The following ARHGAP40 variants were observed in gnomAD, a reference collection of about 807,000 sequenced individuals.
ARHGAP40 encodes the protein Rho GTPase activating protein 40, also known as rho GTPase-activating protein 40.
Under a neutral mutation model 73.5 loss-of-function variants are expected in ARHGAP40, and 43 were observed. That is an observed-to-expected ratio of 0.58 (90% CI 0.46 to 0.75). ARHGAP40 has a LOEUF of 0.75. Ranked by LOEUF, ARHGAP40 falls within the 30% of genes least tolerant of loss-of-function variation. The probability of loss-of-function intolerance (pLI) is 0.00; values close to 1 mark genes in which losing one functional copy is unlikely to be tolerated. For missense variants in ARHGAP40, 734 were observed against 861.8 expected, an observed-to-expected ratio of 0.85 and a Z score of 1.86; for synonymous variants, 300 against 352.8, an observed-to-expected ratio of 0.85 and a Z score of 1.68.
At chr20:38,636,955 A>C (rs2088978889) in intron 6 of ARHGAP40, among the ~76,000 whole-genome samples, 3 of 152,106 alleles carry the variant, frequency 2.0e-5, no homozygotes, top group Admixed American at 2.0e-4. Context: ...AGAAAGAAGG[A>C]AGGTGTGGAG....
rs1220218892 is a variant in ARHGAP40 at position 38,636,162 on chromosome 20, T to A, written c.949+1377T>A. Among the ~76,000 whole-genome samples the A allele has an allele frequency of 2.0e-5, 3 of 152,180 alleles. No homozygotes were observed. In the East Asian group the frequency reaches 5.8e-4, roughly 29 times the overall value. ...TAATGGGAAGATTTGCAAATTCACA[T>A]GGCAGAGGGTGTGGATACAAAGAGG... is the stretch of plus-strand genomic sequence containing the variant. On this transcript the variant is annotated intron_variant, in intron 6 of 14. Coordinates refer to ENST00000373345, the Ensembl canonical transcript of ARHGAP40.
At chr20:38,613,433 T>C (rs1296189533) in intron 1 of ARHGAP40, among the ~76,000 whole-genome samples, 2 of 152,198 alleles carry the variant, frequency 1.3e-5, no homozygotes, top group Admixed American at 1.3e-4. Context: ...TTTCCAACCC[T>C]GGTTGCACAA....
At chr20:38,634,571 T>A (rs1410969454) in intron 5 of ARHGAP40, 49 bp from the exon 6 acceptor site, 2 of 1,300,456 alleles carry the variant, frequency 1.5e-6, no homozygotes, top group Non-Finnish European at 2.0e-6. Flanking sequence ...AAAATACACA[T>A]CAGACTCATA....
At chr20:38,627,673 GGT>G (rs891154860) in intron 3 of ARHGAP40, among the ~76,000 whole-genome samples, 5 of 148,734 alleles carry the variant, frequency 3.4e-5, no homozygotes, top group African/African-American at 5.0e-5. Context: ...GGGGTGTGTT[GGT>G]GTGTGTGTTG....
At chr20:38,648,056 T>C (rs1044670255) in intron 13 of ARHGAP40, among the ~76,000 whole-genome samples, 10 of 152,196 alleles carry the variant, frequency 6.6e-5, no homozygotes, top group African/African-American at 2.4e-4. Context: ...CTTGTTGGCA[T>C]TGGCACAAGG....
intron 1 of ARHGAP40, among the ~76,000 whole-genome samples, chr20:38,615,766 G>C (rs1205891119): frequency 6.6e-6 from 1 of 152,192 alleles, no homozygotes; most frequent in East Asian, 1.9e-4. Context: ...TGGCAGAGCT[G>C]CTGGGGTTGT....
exon 6 of ARHGAP40, chr20:38,634,712 A>G: frequency 7.7e-7 from 1 of 1,305,306 alleles, no homozygotes; most frequent in Non-Finnish European, 1.0e-6. Flanking sequence ...TGGCCCTCAT[A>G]GAGCTGACCG....
At chr20:38,638,641 C>T (rs914124813) in intron 7 of ARHGAP40, 120 bp from the exon 8 acceptor site, 13 of 638,854 alleles carry the variant, frequency 2.0e-5, no homozygotes, top group African/African-American at 1.5e-4. Flanking sequence ...AATATTATTC[C>T]GAAGGAAACC....
Position 38,617,409 on chromosome 20 carries a change from G to A in ARHGAP40, c.138-5950G>A, listed in dbSNP as rs547316949. On this transcript the variant is annotated intron_variant, in intron 1 of 14. Coordinates refer to ENST00000373345, the Ensembl canonical transcript of ARHGAP40. ...CTATGACCTCACGGGCAAGGGTCTC[G>A]CTAAGATCACCTTGCAAAGCCCCCT... Among the ~76,000 whole-genome samples the A allele has an allele frequency of 4.9e-4, 74 of 152,240 alleles. No individual in the cohort carries two copies. In the South Asian group the frequency reaches 5.6e-3, roughly 12 times the overall value.
rs369838508 is a variant in ARHGAP40 at position 38,612,675 on chromosome 20, G to GAAAGA, written c.137+10612_137+10616dup. On this transcript the variant is annotated intron_variant, in intron 1 of 14. Coordinates refer to ENST00000373345, the Ensembl canonical transcript of ARHGAP40. ...AAAGAGTGGGATTCTGTCTGAAAAT[G>GAAAGA]AAAGAAAAGAAAAGAAAAGAGATAA... is the stretch of plus-strand genomic sequence containing the variant. 5.3e-5 allele frequency among the ~76,000 whole-genome samples: 8 copies of GAAAGA among 151,280 alleles called. No individual in the cohort carries two copies. The East Asian group carries it at 7.8e-4, about 15-fold the overall frequency.
At chr20:38,622,125 G>C (rs1284793607) in intron 1 of ARHGAP40, among the ~76,000 whole-genome samples, 1 of 151,764 alleles carries the variant, frequency 6.6e-6, no homozygotes, top group Admixed American at 6.6e-5. Context: ...TTTTTAAAAA[G>C]GCAGCATGTG....
At chr20:38,647,205 G>T in intron 13 of ARHGAP40, 79 bp downstream of exon 13, 1 of 1,201,198 alleles carries the variant, frequency 8.3e-7, no homozygotes, top group Non-Finnish European at 1.1e-6. Context: ...GCCACCAGGG[G>T]GTTACACATA....
At chr20:38,644,392 A>G (rs981394024) in intron 11 of ARHGAP40, among the ~76,000 whole-genome samples, 14 of 152,072 alleles carry the variant, frequency 9.2e-5, no homozygotes, top group Non-Finnish European at 1.9e-4. Context: ...GTCAGCATGC[A>G]TGGTGCCCCT....
chr20:38,610,363 C>T (rs547455333), intron 1 of ARHGAP40, among the ~76,000 whole-genome samples: 153 of 152,238 alleles, frequency 1.0e-3, no homozygotes, highest in Non-Finnish European at 1.7e-3. Flanking sequence ...TGTAACATCT[C>T]AGGGCATGGT....
At chr20:38,629,591 C>T (rs1212606062) in exon 5 of ARHGAP40, 1 of 1,305,414 alleles carries the variant, frequency 7.7e-7, no homozygotes, top group Non-Finnish European at 1.0e-6. Flanking sequence ...TGCGGTGCTC[C>T]TGCAGAGGAG....
At chr20:38,639,634 G>A (rs1372434143) in intron 9 of ARHGAP40, among the ~76,000 whole-genome samples, 1 of 152,230 alleles carries the variant, frequency 6.6e-6, no homozygotes, top group Non-Finnish European at 1.5e-5. Context: ...GGAGGCTAAG[G>A]TTTTGCACAC....
chr20:38,637,291 A>T (rs1245344559), intron 6 of ARHGAP40, among the ~76,000 whole-genome samples: 2 of 151,762 alleles, frequency 1.3e-5, no homozygotes, highest in Admixed American at 1.3e-4. Context: ...GGTTACAGAC[A>T]CCCGCTACCA....
At chr20:38,640,151 C>CTCTTCCTCTTCTT (rs143511549) in intron 9 of ARHGAP40, among the ~76,000 whole-genome samples, 9,309 of 131,846 alleles carry the variant, frequency 0.071, 1,455 homozygotes, top group African/African-American at 0.22. Flanking sequence ...TTTCTTCTTC[C>CTCTTCCTCTTCTT]TCTTCTTTCT....
At chr20:38,632,268 T>G (rs1601144481) in intron 5 of ARHGAP40, among the ~76,000 whole-genome samples, 1 of 80,146 alleles carries the variant, frequency 1.2e-5, no homozygotes, top group Non-Finnish European at 3.1e-5. Flanking sequence ...CCGGCCTAAA[T>G]TTTTTTTTTT....
Sources: allele counts gnomAD v4.1 joint callset (sites outside exome capture counted in the v4.1 genomes callset), GRCh38; gene constraint gnomAD v4.1.1; transcripts MANE v1.5; gene names NCBI Gene and HGNC (gene_info 2026-07-23, HGNC 2026-07-21).